Variants in NFIA observed in about 807,000 individuals in gnomAD.
The protein encoded by NFIA is nuclear factor 1 A-type.
A neutral mutation model predicts 62.8 loss-of-function variants in NFIA; 8 were observed. That is an observed-to-expected ratio of 0.13 (90% CI 0.07 to 0.23). The LOEUF is 0.23. Ranked by LOEUF, NFIA falls within the 10% of genes least tolerant of loss-of-function variation. The pLI, the probability that NFIA is intolerant of heterozygous loss-of-function variation, is 1.00. For missense variants in NFIA, 410 were observed against 642.1 expected (o/e 0.64, Z 3.91); for synonymous variants, 235 against 238.1 (o/e 0.99, Z 0.12).
chr1:61,191,789 G>A (rs1032870073), intron 2 of NFIA, among the ~76,000 whole-genome samples: 12 of 151,920 alleles, frequency 7.9e-5, no homozygotes, highest in Non-Finnish European at 1.6e-4. Flanking sequence ...CACAGATATT[G>A]GTAAATTATT....
chr1:61,186,621 A>G (rs1651201765), intron 2 of NFIA, among the ~76,000 whole-genome samples: 1 of 152,238 alleles, frequency 6.6e-6, no homozygotes, highest in Admixed American at 6.5e-5. Flanking sequence ...GCCTCTGTTA[A>G]GTAGACAGCA....
At chr1:61,298,609 A>G (rs1659321714) in intron 3 of NFIA, among the ~76,000 whole-genome samples, 1 of 152,134 alleles carries the variant, frequency 6.6e-6, no homozygotes, top group African/African-American at 2.4e-5. Context: ...TGGCTCAGCT[A>G]TTCATTGACT....
At chr1:61,135,427 G>T (rs1167823073) in intron 2 of NFIA, among the ~76,000 whole-genome samples, 2 of 151,894 alleles carry the variant, frequency 1.3e-5, no homozygotes, top group African/African-American at 4.8e-5. Flanking sequence ...TCTTTTTTGA[G>T]ACAGGGTCTT....
intron 2 of NFIA, among the ~76,000 whole-genome samples, chr1:61,255,065 A>G (rs886278712): frequency 1.4e-4 from 21 of 152,300 alleles, no homozygotes; most frequent in African/African-American, 4.6e-4. Context: ...ATTTCATTAG[A>G]TCCCAGGGGA....
At chr1:61,177,424 G>A (rs1405299794) in intron 2 of NFIA, among the ~76,000 whole-genome samples, 12 of 152,160 alleles carry the variant, frequency 7.9e-5, no homozygotes, top group East Asian at 5.8e-4. Flanking sequence ...AATAATAATC[G>A]TGATTTTGAA....
chr1:61,270,375 C>T (rs1657432442), intron 2 of NFIA, among the ~76,000 whole-genome samples: 1 of 152,168 alleles, frequency 6.6e-6, no homozygotes, highest in South Asian at 2.1e-4. Flanking sequence ...CCATTTCATA[C>T]TCTTTTCAAT....
At chr1:61,174,561 G>GAAGT (rs1650194094) in intron 2 of NFIA, among the ~76,000 whole-genome samples, 1 of 152,182 alleles carries the variant, frequency 6.6e-6, no homozygotes, top group Non-Finnish European at 1.5e-5. Flanking sequence ...TGAGAAAGAG[G>GAAGT]AAGTAAGTAA....
intron 2 of NFIA, among the ~76,000 whole-genome samples, chr1:61,110,291 GA>G (rs1325557913): frequency 2.0e-5 from 3 of 150,594 alleles, no homozygotes; most frequent in Non-Finnish European, 3.0e-5. Context: ...TTTACTCTTA[GA>G]AAAGTCAAAG....
intron 3 of NFIA, among the ~76,000 whole-genome samples, chr1:61,286,780 G>A (rs1045749855): frequency 6.6e-6 from 1 of 152,176 alleles, no homozygotes; most frequent in African/African-American, 2.4e-5. Flanking sequence ...AAAGAAGGGA[G>A]GATGTGGGTA....
intron 4 of NFIA, 38 bp from the exon 5 acceptor site, chr1:61,352,412 A>C (rs1263340982): frequency 7.0e-7 from 1 of 1,428,518 alleles, no homozygotes; most frequent in Admixed American, 1.7e-5. Flanking sequence ...TTTTATCCAC[A>C]GAATTTAACT....
At chr1:61,363,962 T>TTTC (rs1553178340) in intron 6 of NFIA, among the ~76,000 whole-genome samples, 5 of 151,458 alleles carry the variant, frequency 3.3e-5, no homozygotes, top group African/African-American at 1.2e-4. Flanking sequence ...TTTTTTTTTT[T>TTTC]CTGAGACAGA....
intron 2 of NFIA, among the ~76,000 whole-genome samples, chr1:61,172,591 T>C (rs1650040387): frequency 1.3e-5 from 2 of 152,214 alleles, no homozygotes; most frequent in African/African-American, 4.8e-5. Context: ...ACACCTCCTT[T>C]GTTTTTCCAT....
intron 2 of NFIA, among the ~76,000 whole-genome samples, chr1:61,206,204 A>G (rs948784431): frequency 5.9e-5 from 9 of 152,030 alleles, no homozygotes; most frequent in Non-Finnish European, 1.0e-4. Context: ...TTGTTATATA[A>G]GACTTTATAA....
At chr1:61,084,826 A>G (rs1251393627) in intron 1 of NFIA, among the ~76,000 whole-genome samples, 1 of 152,140 alleles carries the variant, frequency 6.6e-6, no homozygotes, top group East Asian at 1.9e-4. Context: ...CTGTTGGTTC[A>G]TGAGGTATTA....
intron 2 of NFIA, among the ~76,000 whole-genome samples, chr1:61,146,208 A>T (rs549823775): frequency 6.6e-6 from 1 of 152,156 alleles, no homozygotes; most frequent in East Asian, 1.9e-4. Context: ...GGAGCCTTCC[A>T]GTTGCATCAT....
At chr1:61,126,010 T>G (rs1646960383) in intron 2 of NFIA, among the ~76,000 whole-genome samples, 1 of 152,112 alleles carries the variant, frequency 6.6e-6, no homozygotes, top group Non-Finnish European at 1.5e-5. Flanking sequence ...AGTAGGTACT[T>G]TATCGCCATC....
chr1:61,105,585 G>A (rs1646582089), intron 2 of NFIA, among the ~76,000 whole-genome samples: 1 of 151,924 alleles, frequency 6.6e-6, no homozygotes, highest in African/African-American at 2.4e-5. Context: ...GTTGTGAGAA[G>A]TGCATATTTA....
At chr1:61,432,210 C>T (rs996801958) in intron 10 of NFIA, among the ~76,000 whole-genome samples, 1 of 128,446 alleles carries the variant, frequency 7.8e-6, no homozygotes, top group Non-Finnish European at 1.6e-5. Flanking sequence ...TTCTTGTACA[C>T]TTTTCCCTAT....
chr1:61,357,632 C>T (rs6697777), intron 5 of NFIA, among the ~76,000 whole-genome samples: 124,924 of 151,670 alleles, frequency 0.82, 51,544 homozygotes, highest in East Asian at 0.95. Context: ...CCACTGTACC[C>T]TGTGTGTGGT....
Sources: gnomAD v4.1 joint callset for allele counts (sites outside exome capture counted in the v4.1 genomes callset) on GRCh38, gnomAD v4.1.1 for gene constraint, MANE v1.5 for transcripts, NCBI Gene and HGNC (gene_info 2026-07-23, HGNC 2026-07-21) for gene names.